RAB2A: variants seen among roughly 807,000 people sequenced by gnomAD.
The protein encoded by RAB2A is RAB2A, member RAS oncogene family.
RAB2A carries 7 observed loss-of-function variants against 32.5 expected under a neutral mutation model. The ratio of observed to expected loss-of-function variants is 0.22; its 90% confidence interval spans 0.12 to 0.40. The LOEUF (loss-of-function observed/expected upper bound fraction) is 0.40, where lower values mean the gene tolerates loss of function less well. Among genes scored for constraint, RAB2A ranks in the 10% least tolerant of loss-of-function variants. The probability of loss-of-function intolerance (pLI) is 1.00; values close to 1 mark genes in which losing one functional copy is unlikely to be tolerated. For synonymous variants in RAB2A, 79 were observed against 85.2 expected (o/e 0.93, Z 0.40); for missense variants, 108 against 260.7 (o/e 0.41, Z 4.03).
At chr8:60,580,549 C>A (rs537471171) in intron 3 of RAB2A, among the ~76,000 whole-genome samples, 2 of 152,276 alleles carry the variant, frequency 1.3e-5, no homozygotes, top group African/African-American at 2.4e-5. Flanking sequence ...GAACACTCAT[C>A]TTTATTTATT....
chr8:60,585,202 T>G (rs977585134), intron 5 of RAB2A, among the ~76,000 whole-genome samples: 2 of 152,236 alleles, frequency 1.3e-5, no homozygotes, highest in Non-Finnish European at 2.9e-5. Flanking sequence ...TCTAAGAGTG[T>G]GGGAAAGTTT....
chr8:60,563,982 G>T (rs2326569), intron 2 of RAB2A, among the ~76,000 whole-genome samples: 83,339 of 152,016 alleles, frequency 0.55, 26,367 homozygotes, highest in African/African-American at 0.88. Flanking sequence ...CAGCTAGACA[G>T]GTCTGGAGAA....
At position 60,599,387 on chromosome 8, in the gene RAB2A, A is replaced by G. The variant is rs56139604; in HGVS notation, c.474+7418A>G. 6.1e-3 allele frequency among the ~76,000 whole-genome samples: 931 copies of G among 152,330 alleles called. 4 individuals carry two copies. The highest frequency in any genetic ancestry group is 0.017 in the Middle Eastern group (5 of 294). On this transcript the variant is annotated intron_variant, in intron 6 of 7. Transcript: ENST00000262646. ...CAAATTGATATAAATGTTTAACACA[A>G]TTCATATCAAACTTCCAGTACAATG...
At chr8:60,595,160 C>G (rs1217407171) in intron 6 of RAB2A, among the ~76,000 whole-genome samples, 1 of 151,846 alleles carries the variant, frequency 6.6e-6, no homozygotes, top group African/African-American at 2.4e-5. Context: ...CTTAGAACAC[C>G]ATAAAGGAAG....
At chr8:60,618,743 A>G in intron 7 of RAB2A, 95 bp downstream of exon 7, 1 of 423,210 alleles carries the variant, frequency 2.4e-6, no homozygotes, top group Non-Finnish European at 3.4e-6. Flanking sequence ...TTATTTTATA[A>G]TTTTTTTAAT....
chr8:60,569,757 C>G (rs1287139373), intron 2 of RAB2A, among the ~76,000 whole-genome samples: 1 of 152,204 alleles, frequency 6.6e-6, no homozygotes, highest in Non-Finnish European at 1.5e-5. Flanking sequence ...AAGCAATCCT[C>G]CCGTCTCAGC....
intron 1 of RAB2A, 113 bp downstream of exon 1, chr8:60,517,366 T>C (rs545092719): frequency 4.0e-6 from 4 of 996,702 alleles, no homozygotes; most frequent in Non-Finnish European, 5.5e-6. Flanking sequence ...GCCTCCCTCC[T>C]GGCCGCGCCG....
intron 1 of RAB2A, among the ~76,000 whole-genome samples, chr8:60,520,957 C>T (rs889207242): frequency 5.3e-5 from 8 of 152,160 alleles, no homozygotes; most frequent in South Asian, 2.1e-4. Context: ...GCTGGGAACA[C>T]AGGCACATGC....
chr8:60,528,503 C>T (rs765754193), intron 1 of RAB2A, among the ~76,000 whole-genome samples: 3 of 152,106 alleles, frequency 2.0e-5, no homozygotes, highest in South Asian at 4.1e-4. Context: ...ATATGTTGAT[C>T]GTCCCACTGT....
chr8:60,540,424 A>G (rs1214004396), intron 1 of RAB2A, among the ~76,000 whole-genome samples: 1 of 152,142 alleles, frequency 6.6e-6, no homozygotes, highest in African/African-American at 2.4e-5. Flanking sequence ...GATCATTTTC[A>G]GACACTTTTC....
intron 3 of RAB2A, 116 bp from the exon 4 acceptor site, chr8:60,584,092 T>C: frequency 2.4e-6 from 2 of 820,096 alleles, no homozygotes; most frequent in Non-Finnish European, 4.0e-6. Context: ...AGTTAAGTTT[T>C]CTTGTCTCTC....
intron 3 of RAB2A, among the ~76,000 whole-genome samples, chr8:60,579,816 A>G (rs1803709691): frequency 6.6e-6 from 1 of 151,696 alleles, no homozygotes; most frequent in Non-Finnish European, 1.5e-5. Context: ...TTTAGTAGAG[A>G]CAGGGTTTCA....
intron 1 of RAB2A, chr8:60,552,490 A>T (rs2130826586): frequency 6.6e-6 from 1 of 152,246 alleles, no homozygotes; most frequent in Non-Finnish European, 1.5e-5. Flanking sequence ...TTTTCTTCGT[A>T]TTACTATACT....
rs138435409 is a variant in RAB2A, at chr8:60,610,849, A to G, written c.475-7731A>G. Reference sequence around the variant, plus strand: ...ATTTATCTGTAGCTTATATTCCCATATAAGTGCACAATTATATAGATCGCC... The same window carrying G: ...ATTTATCTGTAGCTTATATTCCCATGTAAGTGCACAATTATATAGATCGCC... On this transcript the variant is annotated intron_variant, in intron 6 of 7. Transcript: ENST00000262646. 1.2e-4 allele frequency among the ~76,000 whole-genome samples: 18 copies of G among 152,338 alleles called. No homozygotes were observed. In the East Asian group the frequency reaches 2.5e-3, roughly 21 times the overall value.
At chr8:60,609,935 G>A (rs1804307794) in intron 6 of RAB2A, among the ~76,000 whole-genome samples, 1 of 149,018 alleles carries the variant, frequency 6.7e-6, no homozygotes, top group East Asian at 2.0e-4. Flanking sequence ...CTCCAGCCGG[G>A]GCAACAAAGG....
At chr8:60,598,083 G>A (rs886595770) in intron 6 of RAB2A, among the ~76,000 whole-genome samples, 4 of 152,042 alleles carry the variant, frequency 2.6e-5, no homozygotes, top group South Asian at 4.1e-4. Context: ...CTGTAATCCC[G>A]GCTACTCGGG....
chr8:60,601,068 A>G (rs1435831317), intron 6 of RAB2A, among the ~76,000 whole-genome samples: 4 of 152,240 alleles, frequency 2.6e-5, no homozygotes, highest in African/African-American at 4.8e-5. Flanking sequence ...TAACACCATG[A>G]TGACAGTTTT....
chr8:60,620,893 C>T lies in RAB2A; in HGVS notation c.*124C>T, dbSNP rs966849176. 9.8e-6 allele frequency: 7 copies of T among 714,646 alleles called. No individual in the cohort carries two copies. The highest frequency in any genetic ancestry group is 2.5e-4 in the Middle Eastern group (1 of 4,074). 44.3% of individuals were successfully genotyped at this position (714,646 alleles called of 1,614,324 possible). A position where few individuals can be genotyped will look rare whatever the true frequency, so the allele number is the denominator to read the frequency against. ...CTTTATGTCACAGAAGACTTTAATC[C>T]GTCAAATTCTTGTATAACTTTGAAT... On this transcript the variant is annotated 3_prime_UTR_variant, in exon 8 of 8. Coordinates refer to ENST00000262646, the MANE Select transcript of RAB2A (RefSeq NM_002865.3).
intron 1 of RAB2A, among the ~76,000 whole-genome samples, chr8:60,533,951 A>T (rs1026818788): frequency 6.6e-6 from 1 of 152,178 alleles, no homozygotes; most frequent in Non-Finnish European, 1.5e-5. Flanking sequence ...CGACAGAGCA[A>T]GACTCTGTCT....
Sources: gnomAD v4.1 joint callset for allele counts (sites outside exome capture counted in the v4.1 genomes callset) on GRCh38, gnomAD v4.1.1 for gene constraint, MANE v1.5 for transcripts, NCBI Gene and HGNC (gene_info 2026-07-23, HGNC 2026-07-21) for gene names.